Variants in POU6F2 observed in about 807,000 individuals in gnomAD.
POU6F2 encodes POU class 6 homeobox 2, also known as POU domain, class 6, transcription factor 2.
POU6F2 carries 31 observed loss-of-function variants against 71.3 expected under a neutral mutation model. That is an observed-to-expected ratio of 0.43 (90% CI 0.33 to 0.59). The LOEUF (loss-of-function observed/expected upper bound fraction) is 0.59, where lower values mean the gene tolerates loss of function less well. Ranked by LOEUF, POU6F2 falls within the 20% of genes least tolerant of loss-of-function variation. POU6F2 has a pLI of 0.04. For synonymous variants in POU6F2, 347 were observed against 355.7 expected, an observed-to-expected ratio of 0.98 and a Z score of 0.27; for missense variants, 783 against 856.8, an observed-to-expected ratio of 0.91 and a Z score of 1.07.
chr7:39,107,039 C>CTTTTTTT (rs70977458), intron 2 of POU6F2, among the ~76,000 whole-genome samples: 1 of 130,906 alleles, frequency 7.6e-6, no homozygotes, highest in Non-Finnish European at 1.6e-5. Context: ...TTCTTTCTTT[C>CTTTTTTT]TTTTTTTTTT....
At position 39,460,856 on chromosome 7, in the gene POU6F2, G is replaced by A. The variant is rs1336389675; in HGVS notation, c.1658+141G>A. On this transcript the variant is annotated intron_variant, in intron 9 of 9. Coordinates refer to ENST00000518318, the MANE Select transcript of POU6F2 (RefSeq NM_001370959.1). The surrounding 1 kb of genome is among the most constrained non-coding windows in gnomAD (Gnocchi z 4.4). Reference sequence around the variant, plus strand: ...AAGTTTGGGGGCAGCTATATGTTGGGATTGGTGATCTTGATGCAAACGACG... The same window carrying A: ...AAGTTTGGGGGCAGCTATATGTTGGAATTGGTGATCTTGATGCAAACGACG... The A allele has an allele frequency of 8.5e-6, 9 of 1,059,380 alleles. No individual in the cohort carries two copies. Among genetic ancestry groups the A allele is most frequent in the East Asian group, 2.7e-5 (1 of 37,312 alleles). 65.6% of individuals were successfully genotyped at this position (1,059,380 alleles called of 1,614,324 possible).
chr7:39,059,006 A>C (rs1790595000), intron 1 of POU6F2, among the ~76,000 whole-genome samples: 1 of 152,222 alleles, frequency 6.6e-6, no homozygotes, highest in Non-Finnish European at 1.5e-5. Flanking sequence ...GACTTGGGAA[A>C]ATAAAAATGT....
At chr7:39,440,556 A>G (rs1788376337) in intron 7 of POU6F2, among the ~76,000 whole-genome samples, 1 of 152,126 alleles carries the variant, frequency 6.6e-6, no homozygotes, top group Non-Finnish European at 1.5e-5. Flanking sequence ...GTTCCTCTCT[A>G]AACTGGTTAT....
intron 7 of POU6F2, among the ~76,000 whole-genome samples, chr7:39,450,711 C>T (rs1463795771): frequency 2.0e-5 from 3 of 152,138 alleles, no homozygotes; most frequent in South Asian, 2.1e-4. Context: ...ACTAAGAGCT[C>T]GGGTCCCAGG....
At chr7:39,093,913 A>G (rs770188836) in intron 2 of POU6F2, among the ~76,000 whole-genome samples, 1 of 152,098 alleles carries the variant, frequency 6.6e-6, no homozygotes, top group Non-Finnish European at 1.5e-5. Context: ...TCATGCACAT[A>G]TAATGCTTCA....
chr7:39,270,391 G>A (rs1031163615), intron 4 of POU6F2, among the ~76,000 whole-genome samples: 1 of 152,216 alleles, frequency 6.6e-6, no homozygotes, highest in Admixed American at 6.5e-5. Context: ...TAAAGGATTT[G>A]CCATAGGAAG....
chr7:39,338,175 A>T (rs1160813407), intron 4 of POU6F2, among the ~76,000 whole-genome samples: 1 of 152,218 alleles, frequency 6.6e-6, no homozygotes, highest in South Asian at 2.1e-4. Context: ...GAACTCCACC[A>T]GAAGAAGAGA....
At chr7:39,360,807 C>A (rs1397207852) in intron 5 of POU6F2, among the ~76,000 whole-genome samples, 4 of 152,168 alleles carry the variant, frequency 2.6e-5, no homozygotes, top group African/African-American at 9.6e-5. Context: ...AGAGTAACTT[C>A]CTGACATTGC....
intron 6 of POU6F2, among the ~76,000 whole-genome samples, chr7:39,416,639 T>C (rs1431378956): frequency 6.6e-6 from 1 of 152,214 alleles, no homozygotes; most frequent in Non-Finnish European, 1.5e-5. Flanking sequence ...GTCTTCTTAC[T>C]CTGTGGGATT....
intron 4 of POU6F2, among the ~76,000 whole-genome samples, chr7:39,227,521 T>C (rs1357037516): frequency 2.0e-5 from 3 of 150,800 alleles, no homozygotes; most frequent in African/African-American, 7.3e-5. Flanking sequence ...TCTGATGTAA[T>C]GAATCTGAGG....
At chr7:39,237,906 T>C (rs1448307138) in intron 4 of POU6F2, among the ~76,000 whole-genome samples, 1 of 152,094 alleles carries the variant, frequency 6.6e-6, no homozygotes, top group East Asian at 1.9e-4. Context: ...TTACTAAATA[T>C]ACAGCAACAA....
At chr7:39,419,114 T>TAC (rs1787781945) in intron 6 of POU6F2, among the ~76,000 whole-genome samples, 2 of 55,476 alleles carry the variant, frequency 3.6e-5, no homozygotes, top group African/African-American at 1.3e-4. Context: ...CATATATACG[T>TAC]ATATATGTGT....
At chr7:39,307,865 G>C (rs770403337) in intron 4 of POU6F2, among the ~76,000 whole-genome samples, 3 of 151,594 alleles carry the variant, frequency 2.0e-5, no homozygotes, top group Non-Finnish European at 1.5e-5. Flanking sequence ...TGAGGCAGGA[G>C]AATCCCTTGA....
At chr7:39,127,996 C>T (rs539189382) in intron 2 of POU6F2, among the ~76,000 whole-genome samples, 5 of 151,936 alleles carry the variant, frequency 3.3e-5, no homozygotes, top group Admixed American at 1.3e-4. Flanking sequence ...GTGCCCACCA[C>T]CACGCCCGGC....
In POU6F2 at chr7:39,368,144, T is replaced by G. The variant is rs574072842; in HGVS notation, c.972+28129T>G. Among the ~76,000 whole-genome samples, 65 of 152,236 alleles carry G rather than the reference T, an allele frequency of 4.3e-4. 1 individual carries two copies. In the South Asian group the frequency reaches 0.01, roughly 24 times the overall value. On this transcript the variant is annotated intron_variant, in intron 5 of 9. Transcript: ENST00000518318. ...AAATCGAAAGCTAGAAATGACTAAG[T>G]TTGGTGGGAAAGGCATTCAAAAATC... is the stretch of plus-strand genomic sequence containing the variant.
rs148345619 is a variant in POU6F2 at position 39,257,882 on chromosome 7, C to T, written c.598+50262C>T. ...CTTACTCTACATTTTTCCCCATAGA[C>T]GTGTTTCATGTATATCAAAGCTTTC... On this transcript the variant is annotated intron_variant, in intron 4 of 9. Transcript: ENST00000518318. Among the ~76,000 whole-genome samples the T allele has an allele frequency of 9.0e-4, 137 of 152,002 alleles. 1 individual carries two copies. The highest frequency in any genetic ancestry group is 3.4e-3 in the Middle Eastern group (1 of 294).
chr7:39,271,032 G>A (rs570424989), intron 4 of POU6F2, among the ~76,000 whole-genome samples: 59 of 152,218 alleles, frequency 3.9e-4, no homozygotes, highest in African/African-American at 1.4e-3. Context: ...CTCTAGCCAG[G>A]GGCCAGCTGG....
intron 4 of POU6F2, among the ~76,000 whole-genome samples, chr7:39,232,258 G>A (rs1366658644): frequency 6.6e-6 from 1 of 152,076 alleles, no homozygotes; most frequent in African/African-American, 2.4e-5. Flanking sequence ...CTAGATGTTT[G>A]TTAGCTGTTC....
In POU6F2 at chr7:39,047,436, AG is replaced by A. The variant is rs1219358472; in HGVS notation, c.106-38423del. On this transcript the variant is annotated intron_variant, in intron 1 of 9. Coordinates refer to ENST00000518318, the MANE Select transcript of POU6F2 (RefSeq NM_001370959.1). The stretch of plus-strand genomic sequence containing the variant: ...CATTGTATAAATCTTACACTTTGTT[AG>A]ATTCATCATTAGTATTTTGTTTTAT... Among the ~76,000 whole-genome samples the A allele has an allele frequency of 1.6e-4, 25 of 152,018 alleles. No homozygotes were observed. In the South Asian group the frequency reaches 5.0e-3, roughly 30 times the overall value.
Sources: gnomAD v4.1 joint callset for allele counts (sites outside exome capture counted in the v4.1 genomes callset) on GRCh38, gnomAD v4.1.1 for gene constraint, Gnocchi (gnomAD v3.1) non-coding constraint, MANE v1.5 for transcripts, NCBI Gene and HGNC (gene_info 2026-07-23, HGNC 2026-07-21) for gene names.